Variants in IRS2 observed in about 807,000 individuals in gnomAD.
IRS2 encodes insulin receptor substrate 2.
In IRS2, 28 loss-of-function variants were observed where a neutral mutation model predicts 70.9. That is an observed-to-expected ratio of 0.39 (90% CI 0.29 to 0.54). The LOEUF is 0.54. IRS2 is among the 20% of genes least tolerant of loss of function. The pLI, the probability that IRS2 is intolerant of heterozygous loss-of-function variation, is 0.59. For synonymous variants in IRS2, 1,217 were observed against 981.9 expected, an observed-to-expected ratio of 1.24 and a Z score of -4.48; for missense variants, 2,081 against 2,024.1, an observed-to-expected ratio of 1.03 and a Z score of -0.54.
At chr13:109,778,166 G>A (rs1001929226) in intron 1 of IRS2, among the ~76,000 whole-genome samples, 1 of 152,080 alleles carries the variant, frequency 6.6e-6, no homozygotes, top group African/African-American at 2.4e-5. Context: ...ACCTTCCAGC[G>A]GCCTTGTGAC....
At chr13:109,759,399 A>C (rs1461505557) in intron 1 of IRS2, among the ~76,000 whole-genome samples, 1 of 152,170 alleles carries the variant, frequency 6.6e-6, no homozygotes, top group Non-Finnish European at 1.5e-5. Flanking sequence ...AGAATTAACC[A>C]GCAGAAACAA....
chr13:109,783,455 G>T lies in IRS2; in HGVS notation c.2599C>A (p.Pro867Thr), dbSNP rs773259486. ...CCGCCGCTAGGCCGCACGGGCGAAG[G>T]CACTACAGGGTGAGGGGGCTGCGTG... ...GPTQPPHPVV[P>T]SPVRPSGGRP... Residue 867 changes from proline to threonine, a missense_variant, in exon 1 of 2, where the codon CCT becomes ACT. Physicochemically the swap from Pro to Thr is conservative, Grantham distance 38. Around this residue, in one of 4 missense-constraint regions of IRS2, gnomAD observed 1,615 missense variants for 1,459.5 expected, o/e 1.11. Transcript: ENST00000375856. 1.3e-6 allele frequency: 2 copies of T among 1,537,490 alleles called. No homozygotes were observed. The highest frequency in any genetic ancestry group is 2.4e-5 in the South Asian group (2 of 83,930).
Position 109,753,954 on chromosome 13 carries a change from C to G in IRS2, c.*2350G>C, listed in dbSNP as rs745678670. The G allele has an allele frequency of 8.6e-6, 2 of 232,030 alleles. No homozygotes were observed. The highest frequency in any genetic ancestry group is 4.4e-5 in the African/African-American group (2 of 45,254). The allele number at this position is 232,030 out of a possible 1,614,324, so 14.4% of individuals were successfully genotyped here. On this transcript the variant is annotated 3_prime_UTR_variant, in exon 2 of 2. Transcript: ENST00000375856. ...TAGTCCAGTTTATTCTCGTCTCCAG[C>G]AGCATCACATTGACCCCTATATACA...
At chr13:109,772,592 G>A (rs35925829) in intron 1 of IRS2, among the ~76,000 whole-genome samples, 1 of 152,210 alleles carries the variant, frequency 6.6e-6, no homozygotes, top group Non-Finnish European at 1.5e-5. Context: ...GGCCAGGAAG[G>A]AGGTACTGTC....
In IRS2 at chr13:109,782,941, G is replaced by A. The variant is rs2138931139; in HGVS notation, c.3113C>T (p.Pro1038Leu). ...SLQPPPPPPA[P>L]GELYRLPPAS... ...GGGGGGCAGGCGGTACAGCTCCCCC[G>A]GGGCCGGCGGCGGTGGCGGCGGCTG... Residue 1038 changes from proline (P) to leucine (L), a missense_variant, in exon 1 of 2, where the codon CCG (proline) becomes CTG (leucine). Pro to Leu is a moderately conservative substitution (Grantham distance 98). Coordinates refer to ENST00000375856, the MANE Select transcript of IRS2 (RefSeq NM_003749.3). 3 of 1,461,070 alleles carry A rather than the reference G, an allele frequency of 2.1e-6. No individual in the cohort carries two copies. The highest frequency in any genetic ancestry group is 1.8e-6 in the Non-Finnish European group (2 of 1,109,940). 90.5% of individuals were successfully genotyped at this position (1,461,070 alleles called of 1,614,324 possible). A position where few individuals can be genotyped will look rare whatever the true frequency, so the allele number is the denominator to read the frequency against.
At chr13:109,771,244 T>C (rs183740720) in intron 1 of IRS2, among the ~76,000 whole-genome samples, 123 of 152,244 alleles carry the variant, frequency 8.1e-4, no homozygotes, top group African/African-American at 2.8e-3. Flanking sequence ...AATTCATGGA[T>C]GTTTATATCT....
At chr13:109,774,526 T>C (rs1877527948) in intron 1 of IRS2, among the ~76,000 whole-genome samples, 2 of 152,176 alleles carry the variant, frequency 1.3e-5, no homozygotes, top group Admixed American at 1.3e-4. Context: ...AACTTAAATG[T>C]TGCTTGAGGC....
chr13:109,772,089 C>T (rs1329128989), intron 1 of IRS2, among the ~76,000 whole-genome samples: 5 of 152,234 alleles, frequency 3.3e-5, no homozygotes, highest in Admixed American at 6.5e-5. Flanking sequence ...GAGGCTCACC[C>T]GGCATGCGCT....
chr13:109,768,438 C>T (rs138273027), intron 1 of IRS2, among the ~76,000 whole-genome samples: 154 of 152,354 alleles, frequency 1.0e-3, no homozygotes, highest in African/African-American at 3.5e-3. Flanking sequence ...CAAGCTCTTA[C>T]GCCCTCAGCA....
chr13:109,767,767 C>G lies in IRS2; in HGVS notation c.4013-11459G>C, dbSNP rs555392839. On this transcript the variant is annotated intron_variant, in intron 1 of 1. Transcript: ENST00000375856. Reference sequence around the variant, plus strand: ...TTTTTTTTTGAGATGGAGTCTCGCTCTGTTGCCCAGGCTGGAGCGCAGTGG... The same window carrying G: ...TTTTTTTTTGAGATGGAGTCTCGCTGTGTTGCCCAGGCTGGAGCGCAGTGG... Among the ~76,000 whole-genome samples the G allele has an allele frequency of 5.2e-5, 7 of 133,440 alleles. No homozygotes were observed. The South Asian group carries it at 1.7e-3, about 32-fold the overall frequency. The allele number at this position is 133,440 out of a possible 152,430, so 87.5% of individuals were successfully genotyped here.
chr13:109,766,936 C>A (rs1420463992), intron 1 of IRS2, among the ~76,000 whole-genome samples: 3 of 152,244 alleles, frequency 2.0e-5, no homozygotes, highest in Non-Finnish European at 4.4e-5. Context: ...AAACTTAAGT[C>A]TAAGCAGAGG....
chr13:109,773,346 T>C (rs1877500684), intron 1 of IRS2, among the ~76,000 whole-genome samples: 1 of 152,176 alleles, frequency 6.6e-6, no homozygotes, highest in Non-Finnish European at 1.5e-5. Flanking sequence ...ATTAAATAGG[T>C]TAATGACTCA....
chr13:109,784,946 C>T lies in IRS2; in HGVS notation c.1108G>A (p.Gly370Ser), dbSNP rs1300532341. ...GCGGCCGCCGCTCCCGCCGCCGCGCCGCCGTCGCCCTCGCTGGCGGTGCGC... is the reference window on the plus strand; with the variant it reads ...GCGGCCGCCGCTCCCGCCGCCGCGCTGCCGTCGCCCTCGCTGGCGGTGCGC... ...RVRTASEGDG[G>S]AAAGAAAAGA... Residue 370 changes from glycine (G) to serine (S), a missense_variant, in exon 1 of 2, where the codon GGC (glycine) becomes AGC (serine). Gly to Ser is a moderately conservative substitution (Grantham distance 56). Around this residue, in one of 4 missense-constraint regions of IRS2, gnomAD observed 111 missense variants for 133.1 expected, o/e 0.83. Coordinates refer to ENST00000375856, the MANE Select transcript of IRS2 (RefSeq NM_003749.3). This position sits in a 1 kb window ranked among gnomAD's most constrained non-coding sequence, Gnocchi z 5.2. 5.3e-6 allele frequency: 6 copies of T among 1,141,254 alleles called. No individual in the cohort carries two copies. Among genetic ancestry groups the T allele is most frequent in the Non-Finnish European group, 6.4e-6 (6 of 930,678 alleles). The allele number at this position is 1,141,254 out of a possible 1,614,324, so 70.7% of individuals were successfully genotyped here.
chr13:109,759,704 T>G (rs1207585204), intron 1 of IRS2, among the ~76,000 whole-genome samples: 1 of 152,112 alleles, frequency 6.6e-6, no homozygotes, highest in Non-Finnish European at 1.5e-5. Context: ...CCACACATAC[T>G]ATTAAAGGCC....
chr13:109,781,073 T>C (rs1302841484), intron 1 of IRS2, among the ~76,000 whole-genome samples: 1 of 152,200 alleles, frequency 6.6e-6, no homozygotes, highest in Non-Finnish European at 1.5e-5. Flanking sequence ...AAATCCTGGC[T>C]GCACATTCAA....
At chr13:109,764,641 C>T (rs1423907533) in intron 1 of IRS2, among the ~76,000 whole-genome samples, 1 of 152,154 alleles carries the variant, frequency 6.6e-6, no homozygotes, top group African/African-American at 2.4e-5. Context: ...CCAGGCAGCC[C>T]TGTGCTGCCA....
In IRS2 at chr13:109,784,419, C is replaced by A. The variant is rs771137800; in HGVS notation, c.1635G>T (p.Met545Ile). 1.2e-6 allele frequency: 2 copies of A among 1,609,554 alleles called. No individual in the cohort carries two copies. Among genetic ancestry groups the A allele is most frequent in the South Asian group, 1.1e-5 (1 of 90,968 alleles). The change falls in exon 1 of 2, where the codon ATG becomes ATT. Residue 545 changes from methionine to isoleucine, a missense_variant. Met to Ile is a conservative substitution (Grantham distance 10). This residue lies in a region of IRS2 where 1,615 missense variants were observed against 1,459.5 expected (regional missense o/e 1.11). Transcript: ENST00000375856. This position sits in a 1 kb window ranked among gnomAD's most constrained non-coding sequence, Gnocchi z 5.2. ...GGGEFYGYMT[M>I]DRPLSHCGRS... ...GGCCACAGTGGCTCAGGGGCCTGTC[C>A]ATGGTCATGTACCCGTAGAACTCAC...
chr13:109,763,223 T>C (rs1393443688), intron 1 of IRS2, among the ~76,000 whole-genome samples: 1 of 152,242 alleles, frequency 6.6e-6, no homozygotes, highest in African/African-American at 2.4e-5. Flanking sequence ...AAACACCATA[T>C]ATTTCCATCT....
Position 109,783,543 on chromosome 13 carries a change from C to A in IRS2, c.2511G>T (p.Glu837Asp). ...SSPVGRILEEERLEPQATPGP... is the reference protein window; with the variant it reads ...SSPVGRILEEDRLEPQATPGP... Reference sequence around the variant, plus strand: ...CTGGCGTGGCCTGAGGCTCCAGACGCTCCTCCTCCAGGATGCGCCCCACGG... The same window carrying A: ...CTGGCGTGGCCTGAGGCTCCAGACGATCCTCCTCCAGGATGCGCCCCACGG... Residue 837 changes from glutamate to aspartate, a missense_variant, in exon 1 of 2, where the codon GAG becomes GAT. Glu to Asp is a conservative substitution (Grantham distance 45). This residue lies in a region of IRS2 where 1,615 missense variants were observed against 1,459.5 expected (regional missense o/e 1.11). Coordinates refer to ENST00000375856, the MANE Select transcript of IRS2 (RefSeq NM_003749.3). The A allele has an allele frequency of 6.5e-7, 1 of 1,549,698 alleles. No homozygotes were observed.
Sources: allele counts gnomAD v4.1 joint callset (sites outside exome capture counted in the v4.1 genomes callset), GRCh38; gene constraint gnomAD v4.1.1; regional missense constraint gnomAD v4.1.1; non-coding constraint Gnocchi (gnomAD v3.1); transcripts MANE v1.5; gene names NCBI Gene and HGNC (gene_info 2026-07-23, HGNC 2026-07-21).